CERS6: variants seen among roughly 807,000 people sequenced by gnomAD.
CERS6 encodes the protein ceramide synthase 6, also known as LAG1 homolog, ceramide synthase 6.
CERS6 carries 26 observed loss-of-function variants against 56.8 expected under a neutral mutation model. The ratio of observed to expected loss-of-function variants is 0.46; its 90% CI spans 0.34 to 0.63. CERS6 has a LOEUF of 0.63. CERS6 is among the 30% of genes least tolerant of loss of function. The pLI is 0.01. For synonymous variants in CERS6, 164 were observed against 173.3 expected, an observed-to-expected ratio of 0.95 and a Z score of 0.42; for missense variants, 415 against 467.5, an observed-to-expected ratio of 0.89 and a Z score of 1.04.
intron 3 of CERS6, among the ~76,000 whole-genome samples, chr2:168,577,840 C>T (rs566812202): frequency 1.3e-5 from 2 of 152,210 alleles, no homozygotes; most frequent in African/African-American, 4.8e-5. Context: ...AAGTGTGAAA[C>T]AATTTTCTGG....
At chr2:168,752,443 A>C (rs1361179852) in intron 8 of CERS6, among the ~76,000 whole-genome samples, 1 of 152,142 alleles carries the variant, frequency 6.6e-6, no homozygotes, top group African/African-American at 2.4e-5. Flanking sequence ...AACATGGCAA[A>C]ATGTGCTGCT....
chr2:168,581,182 C>T (rs1466475907), intron 3 of CERS6, among the ~76,000 whole-genome samples: 1 of 152,078 alleles, frequency 6.6e-6, no homozygotes, highest in Non-Finnish European at 1.5e-5. Flanking sequence ...CTACACCTGG[C>T]TAACTTTTAT....
chr2:168,547,473 A>T, intron 1 of CERS6, 123 bp from the exon 2 acceptor site: 1 of 606,520 alleles, frequency 1.6e-6, no homozygotes, highest in Non-Finnish European at 2.9e-6. Context: ...TTGACAATGT[A>T]CACCCATGAA....
intron 9 of CERS6, among the ~76,000 whole-genome samples, chr2:168,765,998 C>T (rs962989251): frequency 6.6e-5 from 10 of 152,114 alleles, no homozygotes; most frequent in Non-Finnish European, 1.2e-4. Flanking sequence ...TGTTCGCTCT[C>T]CCTCTTCCTG....
chr2:168,456,313 GGCGGCGGCGGCGGGCGGGA>G lies in CERS6; in HGVS notation c.-133_-115del. 6.3e-6 allele frequency: 2 copies of G among 317,934 alleles called. No homozygotes were observed. The highest frequency in any genetic ancestry group is 9.7e-6 in the Non-Finnish European group (2 of 205,650). 19.7% of individuals were successfully genotyped at this position (317,934 alleles called of 1,614,324 possible). ...CTTCGAGAGCAGCGGCCGCGGAGGAGGCGGCGGCGGCGGGCGGGAGCAGCGGCGGCGGCGGCACAGGCTC... is the reference window on the plus strand; with the variant it reads ...CTTCGAGAGCAGCGGCCGCGGAGGAGGCAGCGGCGGCGGCGGCACAGGCTC... On this transcript the variant is annotated 5_prime_UTR_variant, in exon 1 of 10. Transcript: ENST00000305747. This position sits in a 1 kb window ranked among gnomAD's most constrained non-coding sequence, Gnocchi z 4.1.
intron 3 of CERS6, among the ~76,000 whole-genome samples, chr2:168,623,159 T>A (rs1233573356): frequency 6.6e-6 from 1 of 152,132 alleles, no homozygotes; most frequent in Non-Finnish European, 1.5e-5. Flanking sequence ...ATGAAACCAA[T>A]CAGTTAACCA....
At chr2:168,552,178 T>A (rs193155904) in intron 2 of CERS6, among the ~76,000 whole-genome samples, 11 of 152,276 alleles carry the variant, frequency 7.2e-5, no homozygotes, top group African/African-American at 1.4e-4. Context: ...CTTCTTTGCC[T>A]CCCAGTACTG....
intron 1 of CERS6, among the ~76,000 whole-genome samples, chr2:168,469,333 T>C (rs1693937200): frequency 6.6e-6 from 1 of 152,174 alleles, no homozygotes; most frequent in African/African-American, 2.4e-5. Flanking sequence ...ACAAACCTGC[T>C]CATTTCTTAA....
chr2:168,562,858 T>G (rs566473153), intron 3 of CERS6, among the ~76,000 whole-genome samples: 3 of 152,312 alleles, frequency 2.0e-5, no homozygotes, highest in South Asian at 4.1e-4. Context: ...GTATCTGGGC[T>G]CTTGGTCAAA....
chr2:168,626,240 AG>A (rs1684587959), intron 3 of CERS6, among the ~76,000 whole-genome samples: 1 of 152,192 alleles, frequency 6.6e-6, no homozygotes, highest in Non-Finnish European at 1.5e-5. Context: ...AGAAGAACTC[AG>A]GGGATAGAGG....
At chr2:168,611,585 C>A (rs1418626097) in intron 3 of CERS6, among the ~76,000 whole-genome samples, 1 of 152,232 alleles carries the variant, frequency 6.6e-6, no homozygotes, top group Non-Finnish European at 1.5e-5. Context: ...TGTATCATGT[C>A]TTATTTATAA....
chr2:168,509,799 G>A (rs747820843), intron 1 of CERS6, among the ~76,000 whole-genome samples: 1 of 152,118 alleles, frequency 6.6e-6, no homozygotes, highest in Non-Finnish European at 1.5e-5. Context: ...AGTGGCTCAC[G>A]CCTGTAATCC....
At chr2:168,509,742 G>T (rs1694745029) in intron 1 of CERS6, among the ~76,000 whole-genome samples, 1 of 152,190 alleles carries the variant, frequency 6.6e-6, no homozygotes, top group African/African-American at 2.4e-5. Context: ...CTGCATTAAG[G>T]CCAGACCAGC....
In CERS6 at chr2:168,565,247, T is replaced by C. The variant is rs977280491; in HGVS notation, c.407+3925T>C. Among the ~76,000 whole-genome samples, 4 of 152,170 alleles carry C rather than the reference T, an allele frequency of 2.6e-5. No individual in the cohort carries two copies. In the East Asian group the frequency reaches 7.7e-4, roughly 29 times the overall value. ...CTATATAAAAAAAGATCTAGAATAG[T>C]TGTTATTAACTAAGGATGCATTTCG... is the stretch of plus-strand genomic sequence containing the variant. On this transcript the variant is annotated intron_variant, in intron 3 of 9. Coordinates refer to ENST00000305747, the MANE Select transcript of CERS6 (RefSeq NM_203463.3).
intron 3 of CERS6, among the ~76,000 whole-genome samples, chr2:168,580,430 C>T (rs187558231): frequency 6.6e-5 from 10 of 152,112 alleles, no homozygotes; most frequent in African/African-American, 2.4e-4. Context: ...CAATGTTGAC[C>T]CCTCTTTTAC....
At chr2:168,767,554 T>C (rs558459747) in intron 9 of CERS6, among the ~76,000 whole-genome samples, 1 of 152,330 alleles carries the variant, frequency 6.6e-6, no homozygotes, top group African/African-American at 2.4e-5. Flanking sequence ...ATGGCCTGTG[T>C]GAGTTCAGTC....
intron 4 of CERS6, among the ~76,000 whole-genome samples, chr2:168,671,216 C>T (rs536347765): frequency 6.6e-5 from 10 of 151,982 alleles, no homozygotes; most frequent in African/African-American, 1.2e-4. Context: ...CCACCTGCCT[C>T]GGCCTCCCAA....
At chr2:168,660,213 A>G (rs1037208138) in intron 4 of CERS6, among the ~76,000 whole-genome samples, 2 of 152,186 alleles carry the variant, frequency 1.3e-5, no homozygotes, top group South Asian at 4.1e-4. Context: ...CCATCAAGTT[A>G]TGCTTTCTGC....
At chr2:168,640,162 C>T (rs191796066) in intron 4 of CERS6, among the ~76,000 whole-genome samples, 1 of 152,270 alleles carries the variant, frequency 6.6e-6, no homozygotes, top group East Asian at 1.9e-4. Context: ...TGAGTGCTGG[C>T]AATGTTCTCG....
Sources: gnomAD v4.1 joint callset for allele counts (sites outside exome capture counted in the v4.1 genomes callset) on GRCh38, gnomAD v4.1.1 for gene constraint, Gnocchi (gnomAD v3.1) non-coding constraint, MANE v1.5 for transcripts, NCBI Gene and HGNC (gene_info 2026-07-23, HGNC 2026-07-21) for gene names.